The following NOL9 variants were observed in gnomAD, a reference collection of about 807,000 sequenced individuals.
The protein encoded by NOL9 is nucleolar protein 9.
Under a neutral mutation model 67.9 loss-of-function variants are expected in NOL9, and 28 were observed. The ratio of observed to expected loss-of-function variants is 0.41; its 90% CI spans 0.31 to 0.57. The LOEUF (loss-of-function observed/expected upper bound fraction) is 0.57. Among genes scored for constraint, NOL9 ranks in the 20% least tolerant of loss-of-function variants. NOL9 has a pLI of 0.25. For missense variants in NOL9, 777 were observed against 897.0 expected (o/e 0.87, Z 1.71); for synonymous variants, 356 against 352.2 (o/e 1.01, Z -0.12).
chr1:6,532,295 C>T, intron 8 of NOL9, 168 bp downstream of exon 8: 1 of 750,346 alleles, frequency 1.3e-6, no homozygotes, highest in Non-Finnish European at 2.2e-6. Context: ...TGGATATTTC[C>T]ACTGGGAACA....
At chr1:6,551,538 G>A (rs1441725394) in intron 1 of NOL9, among the ~76,000 whole-genome samples, 2 of 151,982 alleles carry the variant, frequency 1.3e-5, no homozygotes, top group South Asian at 2.1e-4. Flanking sequence ...GGCAAAGGCT[G>A]CAGTGAGCTG....
intron 6 of NOL9, among the ~76,000 whole-genome samples, chr1:6,537,370 G>T (rs1639177852): frequency 6.6e-6 from 1 of 152,100 alleles, no homozygotes. Context: ...GTTAACAACA[G>T]ACAAATGAGA....
chr1:6,550,963 G>A (rs1039526379), intron 1 of NOL9, among the ~76,000 whole-genome samples: 5 of 152,018 alleles, frequency 3.3e-5, no homozygotes, highest in South Asian at 4.1e-4. Context: ...GATTACAGGC[G>A]TGCGCCACCG....
At position 6,541,916 on chromosome 1, in the gene NOL9, A is replaced by G. The variant is rs776744591; in HGVS notation, c.989T>C (p.Val330Ala). 1 of 1,592,984 alleles carries G rather than the reference A, an allele frequency of 6.3e-7. No homozygotes were observed. The highest frequency in any genetic ancestry group is 8.5e-7 in the Non-Finnish European group (1 of 1,172,600). ...TCCCAGATCACATTCCAAATAGTCA[A>G]CGCAGGGAAGACTGCAAATTTTTAA... ...INHLLNSLPC[V>A]DYLECDLGQT... Residue 330 changes from valine to alanine, a missense_variant, in exon 6 of 12, where the codon GTT becomes GCT. This residue lies in a region of NOL9 where 413 missense variants were observed against 552.6 expected (regional missense o/e 0.75). Coordinates refer to ENST00000377705, the MANE Select transcript of NOL9 (RefSeq NM_024654.5).
intron 1 of NOL9, among the ~76,000 whole-genome samples, chr1:6,550,895 C>T (rs1639531300): frequency 6.6e-6 from 1 of 152,028 alleles, no homozygotes; most frequent in Non-Finnish European, 1.5e-5. Flanking sequence ...GTTGGTCAGG[C>T]TGGTCTTGAA....
intron 6 of NOL9, among the ~76,000 whole-genome samples, chr1:6,539,132 A>C (rs1639220000): frequency 6.6e-6 from 1 of 152,196 alleles, no homozygotes; most frequent in South Asian, 2.1e-4. Flanking sequence ...CTTCACACAA[A>C]CTCAGACAGC....
chr1:6,547,627 G>C (rs900140479), intron 3 of NOL9, among the ~76,000 whole-genome samples: 1 of 151,742 alleles, frequency 6.6e-6, no homozygotes, highest in African/African-American at 2.4e-5. Flanking sequence ...TTTGGAGGCA[G>C]GTGGATTGCT....
At chr1:6,532,125 C>A (rs779325138) in intron 8 of NOL9, 46 bp from the exon 9 acceptor site, 1 of 1,376,858 alleles carries the variant, frequency 7.3e-7, no homozygotes, top group South Asian at 1.2e-5. Context: ...TAACCCTCAA[C>A]GGCCACCTCC....
chr1:6,538,173 G>C (rs367552539), intron 6 of NOL9, among the ~76,000 whole-genome samples: 1 of 152,078 alleles, frequency 6.6e-6, no homozygotes, highest in East Asian at 1.9e-4. Flanking sequence ...AAAAGCATAG[G>C]CAACAAGTGA....
At chr1:6,550,659 C>CTAATGACT (rs750631460) in intron 1 of NOL9, 44 bp from the exon 2 acceptor site, 8 of 1,155,308 alleles carry the variant, frequency 6.9e-6, no homozygotes, top group African/African-American at 6.2e-5. Context: ...GATCATGTCA[C>CTAATGACT]TAATGACTGA....
At chr1:6,544,743 A>T (rs1639383070) in intron 5 of NOL9, 83 bp downstream of exon 5, 1 of 1,416,062 alleles carries the variant, frequency 7.1e-7, no homozygotes, top group African/African-American at 1.4e-5. Flanking sequence ...CTAGAAGCCA[A>T]GAAGCATTCC....
At chr1:6,532,201 G>A in intron 8 of NOL9, 122 bp from the exon 9 acceptor site, 1 of 812,206 alleles carries the variant, frequency 1.2e-6, no homozygotes, top group Non-Finnish European at 2.0e-6. Context: ...GCCCCCCCTT[G>A]ACGGACCCCA....
chr1:6,551,340 GAGA>G (rs200850451), intron 1 of NOL9, among the ~76,000 whole-genome samples: 1,563 of 152,186 alleles, frequency 0.01, 19 homozygotes, highest in Middle Eastern at 0.065. Context: ...AGAACTCTGG[GAGA>G]AGGAGGTGGG....
At chr1:6,546,996 C>G (rs557613405) in intron 3 of NOL9, among the ~76,000 whole-genome samples, 8 of 152,278 alleles carry the variant, frequency 5.3e-5, no homozygotes, top group African/African-American at 1.7e-4. Flanking sequence ...CACCGCTGTT[C>G]AGTTAACTCT....
chr1:6,538,366 T>A (rs527487836), intron 6 of NOL9, among the ~76,000 whole-genome samples: 5 of 152,064 alleles, frequency 3.3e-5, no homozygotes, highest in African/African-American at 1.2e-4. Flanking sequence ...AAAGTAACAA[T>A]CCAATTCAAA....
At chr1:6,543,113 G>A (rs1222231201) in intron 5 of NOL9, among the ~76,000 whole-genome samples, 2 of 149,858 alleles carry the variant, frequency 1.3e-5, no homozygotes, top group Non-Finnish European at 1.5e-5. Context: ...AGGCTGGTCC[G>A]AAACTCCTGG....
At position 6,554,157 on chromosome 1, in the gene NOL9, C is replaced by G; in HGVS notation, c.346G>C (p.Val116Leu). ...GCGCGGCCGGGGCCCACGGGCCGCA[C>G]CGGTGGGATGAGGAGAGGCCGGTGG... is the stretch of plus-strand genomic sequence containing the variant. ...SCHRPLLIPP[V>L]RPVGPGRALL... The change falls in exon 1 of 12, where the codon GTG becomes CTG. Residue 116 changes from valine (V) to leucine (L), a missense_variant. Val to Leu is a conservative substitution (Grantham distance 32). Around this residue, in one of 2 missense-constraint regions of NOL9, gnomAD observed 364 missense variants for 344.4 expected, o/e 1.06. Transcript: ENST00000377705. 1 of 1,530,430 alleles carries G rather than the reference C, an allele frequency of 6.5e-7. No individual in the cohort carries two copies. 94.8% of individuals were successfully genotyped at this position (1,530,430 alleles called of 1,614,324 possible).
intron 5 of NOL9, among the ~76,000 whole-genome samples, chr1:6,544,269 T>C (rs1452817585): frequency 6.6e-6 from 1 of 150,434 alleles, no homozygotes; most frequent in Non-Finnish European, 1.5e-5. Context: ...GGCAACACAG[T>C]CAGACCCGGT....
In NOL9 at chr1:6,526,835, A is replaced by G; in HGVS notation, c.1826-6T>C. On this transcript the variant is annotated splice_region_variant and splice_polypyrimidine_tract_variant and intron_variant, in intron 10 of 11. Transcript: ENST00000377705. The stretch of plus-strand genomic sequence containing the variant: ...GTCAATGCCTCTACAGATGCCTTCA[A>G]GACACGCGCACAACACAAAAATCAC... The G allele has an allele frequency of 6.3e-7, 1 of 1,593,684 alleles. No individual in the cohort carries two copies. Among genetic ancestry groups the G allele is most frequent in the Non-Finnish European group, 8.5e-7 (1 of 1,171,182 alleles).
Sources: allele counts gnomAD v4.1 joint callset (sites outside exome capture counted in the v4.1 genomes callset), GRCh38; gene constraint gnomAD v4.1.1; regional missense constraint gnomAD v4.1.1; transcripts MANE v1.5; gene names NCBI Gene and HGNC (gene_info 2026-07-23, HGNC 2026-07-21).